RELN: variants seen among roughly 807,000 people sequenced by gnomAD.
RELN encodes reelin.
RELN carries 108 observed loss-of-function variants against 427.6 expected under a neutral mutation model. That is an observed-to-expected ratio of 0.25 (90% CI 0.22 to 0.30). The LOEUF (loss-of-function observed/expected upper bound fraction) is 0.30. Among genes scored for constraint, RELN ranks in the 10% least tolerant of loss-of-function variants. The pLI is 1.00. For synonymous variants in RELN, 1,524 were observed against 1,513.4 expected, an observed-to-expected ratio of 1.01 and a Z score of -0.16; for missense variants, 3,715 against 4,302.8, an observed-to-expected ratio of 0.86 and a Z score of 3.82.
At chr7:103,542,691 T>C in intron 43 of RELN, 40 bp downstream of exon 43, 2 of 1,610,514 alleles carry the variant, frequency 1.2e-6, no homozygotes, top group Non-Finnish European at 1.7e-6. Flanking sequence ...TATTATACAT[T>C]ACGATGTGGT....
intron 2 of RELN, among the ~76,000 whole-genome samples, chr7:103,874,352 A>G (rs1303690452): frequency 1.1e-4 from 15 of 139,920 alleles, no homozygotes; most frequent in East Asian, 4.8e-4. Context: ...GGAAGTTCTG[A>G]CCAGGGCAAT....
intron 1 of RELN, among the ~76,000 whole-genome samples, chr7:103,917,922 G>C (rs1055567425): frequency 6.6e-6 from 1 of 152,004 alleles, no homozygotes; most frequent in Non-Finnish European, 1.5e-5. Context: ...ATAATTTCCT[G>C]CTTGACGTAA....
intron 22 of RELN, among the ~76,000 whole-genome samples, chr7:103,607,589 T>A (rs1831849159): frequency 6.6e-6 from 1 of 152,220 alleles, no homozygotes. Context: ...TGACTTGCAT[T>A]TAAAATCTAA....
chr7:103,654,440 G>A (rs538913839), intron 12 of RELN, among the ~76,000 whole-genome samples: 1 of 152,212 alleles, frequency 6.6e-6, no homozygotes, highest in South Asian at 2.1e-4. Context: ...TTTGCTTCAT[G>A]AGATTACTCA....
At chr7:103,553,106 T>C (rs1365304664) in intron 40 of RELN, among the ~76,000 whole-genome samples, 1 of 152,174 alleles carries the variant, frequency 6.6e-6, no homozygotes, top group African/African-American at 2.4e-5. Context: ...TGGCATAGAC[T>C]ATAGTTACAT....
At position 103,753,191 on chromosome 7, in the gene RELN, G is replaced by C. The variant is rs1200261994; in HGVS notation, c.568C>G (p.Pro190Ala). 1.9e-6 allele frequency: 3 copies of C among 1,613,858 alleles called. No individual in the cohort carries two copies. The highest frequency in any genetic ancestry group is 2.5e-6 in the Non-Finnish European group (3 of 1,179,934). ...AGTCTTAAACACTTACCTAGATGTG[G>C]GTGCACAGTGACATCTGTTGGAGCT... ...QGAPTDVTVHPHLAEIHSDSI... is the reference protein window; with the variant it reads ...QGAPTDVTVHAHLAEIHSDSI... Residue 190 changes from proline (P) to alanine (A), a missense_variant, in exon 5 of 65, where the codon CCA (proline) becomes GCA (alanine). Coordinates refer to ENST00000428762, the MANE Select transcript of RELN (RefSeq NM_005045.4).
At chr7:103,857,921 T>C (rs1457030396) in intron 2 of RELN, among the ~76,000 whole-genome samples, 1 of 152,204 alleles carries the variant, frequency 6.6e-6, no homozygotes, top group Non-Finnish European at 1.5e-5. Flanking sequence ...ATTTTTTACA[T>C]TTCTCTCTAG....
chr7:103,856,031 G>A (rs1333265720), intron 2 of RELN, among the ~76,000 whole-genome samples: 1 of 152,182 alleles, frequency 6.6e-6, no homozygotes, highest in East Asian at 1.9e-4. Flanking sequence ...AGGAACTGCA[G>A]TGTTCCTATT....
At chr7:103,691,459 G>C (rs939457544) in intron 10 of RELN, among the ~76,000 whole-genome samples, 4 of 152,058 alleles carry the variant, frequency 2.6e-5, no homozygotes, top group Admixed American at 6.6e-5. Flanking sequence ...ATCAGCAGTG[G>C]AGTGTTTACA....
chr7:103,536,104 CT>C (rs1478950701), intron 45 of RELN, among the ~76,000 whole-genome samples: 2 of 152,030 alleles, frequency 1.3e-5, no homozygotes, highest in African/African-American at 4.8e-5. Context: ...ATGGGTGAAA[CT>C]TCTTAGAAAT....
intron 2 of RELN, among the ~76,000 whole-genome samples, chr7:103,853,945 A>T (rs1449804849): frequency 6.6e-6 from 1 of 152,048 alleles, no homozygotes; most frequent in Non-Finnish European, 1.5e-5. Context: ...TTTAATGTAT[A>T]TTTTCAAAAA....
intron 9 of RELN, among the ~76,000 whole-genome samples, chr7:103,700,499 C>T (rs1453556946): frequency 2.0e-5 from 3 of 152,152 alleles, no homozygotes; most frequent in South Asian, 4.2e-4. Flanking sequence ...GTAAAAGGCC[C>T]TGTGGCTATT....
intron 11 of RELN, among the ~76,000 whole-genome samples, chr7:103,666,899 C>T (rs1303328126): frequency 1.3e-5 from 2 of 152,016 alleles, no homozygotes; most frequent in Admixed American, 6.6e-5. Context: ...CGTATTTATA[C>T]AAGAGTATCA....
chr7:103,507,733 A>G (rs147121360), intron 51 of RELN, among the ~76,000 whole-genome samples: 3 of 152,298 alleles, frequency 2.0e-5, no homozygotes, highest in East Asian at 1.9e-4. Context: ...AAAAAAATCA[A>G]TGAATCCAGA....
At chr7:103,483,948 CGGCTCACTACAACGTCTGCCTACTG>C (rs1828334759) in intron 61 of RELN, 98 bp from the exon 62 acceptor site, 1 of 1,194,524 alleles carries the variant, frequency 8.4e-7, no homozygotes, top group African/African-American at 1.5e-5. Flanking sequence ...GGTGTGATCT[CGGCTCACTACAACGTCTGCCTACTG>C]GGTTCAAGCG....
intron 1 of RELN, among the ~76,000 whole-genome samples, chr7:103,945,177 CA>C (rs1796194528): frequency 1.3e-5 from 2 of 152,052 alleles, no homozygotes; most frequent in African/African-American, 4.8e-5. Context: ...AGGGAGCTCT[CA>C]AAAGACCTAC....
At chr7:103,845,498 T>C (rs1203057057) in intron 2 of RELN, among the ~76,000 whole-genome samples, 1 of 152,226 alleles carries the variant, frequency 6.6e-6, no homozygotes, top group East Asian at 1.9e-4. Context: ...AACATTGTGG[T>C]TGACCACTGT....
At chr7:103,691,281 T>C (rs1242611221) in intron 10 of RELN, among the ~76,000 whole-genome samples, 2 of 152,150 alleles carry the variant, frequency 1.3e-5, no homozygotes, top group African/African-American at 4.8e-5. Flanking sequence ...CATTCTTCCC[T>C]ACTTGAGATA....
At chr7:103,970,062 A>G (rs4460305) in intron 1 of RELN, among the ~76,000 whole-genome samples, 1 of 151,942 alleles carries the variant, frequency 6.6e-6, no homozygotes, top group African/African-American at 2.4e-5. Flanking sequence ...CGGATACTCA[A>G]CCCCACACCT....
Sources: allele counts gnomAD v4.1 joint callset (sites outside exome capture counted in the v4.1 genomes callset), GRCh38; gene constraint gnomAD v4.1.1; transcripts MANE v1.5; gene names NCBI Gene and HGNC (gene_info 2026-07-23, HGNC 2026-07-21).